The following CNTN6 variants were observed in gnomAD, a reference collection of about 807,000 sequenced individuals.
The protein encoded by CNTN6 is contactin-6.
CNTN6 carries 137 observed loss-of-function variants against 122.8 expected under a neutral mutation model. That is an observed-to-expected ratio of 1.12 (90% CI 0.97 to 1.29). The LOEUF (loss-of-function observed/expected upper bound fraction) is 1.29, where lower values mean the gene tolerates loss of function less well. Ranked by LOEUF, CNTN6 falls within the 50% of genes most tolerant of loss-of-function variation. CNTN6 has a pLI of 0.00. For missense variants in CNTN6, 1,634 were observed against 1,223.4 expected (o/e 1.34, Z -5.01); for synonymous variants, 570 against 426.0 (o/e 1.34, Z -4.16).
chr3:1,268,193 G>T (rs919213219), intron 4 of CNTN6, among the ~76,000 whole-genome samples: 2 of 152,316 alleles, frequency 1.3e-5, no homozygotes, highest in East Asian at 1.9e-4. Flanking sequence ...TCTGGCTATT[G>T]TATGTCCACC....
At chr3:1,226,068 G>A (rs1439196866) in intron 3 of CNTN6, among the ~76,000 whole-genome samples, 7 of 152,158 alleles carry the variant, frequency 4.6e-5, no homozygotes, top group Non-Finnish European at 7.4e-5. Flanking sequence ...TAGTAGAGGC[G>A]GGGTTTTGCC....
chr3:1,387,346 C>CTGTT (rs147022313), intron 20 of CNTN6, among the ~76,000 whole-genome samples: 8,662 of 152,196 alleles, frequency 0.057, 286 homozygotes, highest in African/African-American at 0.093. Context: ...ATTCCTTTTC[C>CTGTT]TGTTTTACTC....
chr3:1,326,030 GA>G, intron 9 of CNTN6, 79 bp downstream of exon 9: 1 of 1,243,922 alleles, frequency 8.0e-7, no homozygotes, highest in East Asian at 2.4e-5. Flanking sequence ...GTAACTAACA[GA>G]AACAGCTAAT....
chr3:1,317,445 A>G (rs765086665), intron 7 of CNTN6, among the ~76,000 whole-genome samples: 1 of 151,796 alleles, frequency 6.6e-6, no homozygotes, highest in Non-Finnish European at 1.5e-5. Flanking sequence ...AAAATAATAT[A>G]TTGGCTAACT....
intron 1 of CNTN6, among the ~76,000 whole-genome samples, chr3:1,099,368 G>T (rs772670685): frequency 5.9e-5 from 9 of 151,834 alleles, no homozygotes; most frequent in African/African-American, 2.2e-4. Context: ...GGAGAATGGC[G>T]GGAACCCGGG....
intron 1 of CNTN6, among the ~76,000 whole-genome samples, chr3:1,128,847 T>C (rs2092254426): frequency 6.6e-6 from 1 of 152,048 alleles, no homozygotes; most frequent in South Asian, 2.1e-4. Flanking sequence ...TAAATTGAAA[T>C]ATATTGCACT....
At chr3:1,220,228 T>C (rs936114861) in intron 2 of CNTN6, among the ~76,000 whole-genome samples, 1 of 151,460 alleles carries the variant, frequency 6.6e-6, no homozygotes, top group African/African-American at 2.4e-5. Flanking sequence ...TCTAACTACT[T>C]GGGAGGCTGA....
chr3:1,105,510 G>C (rs2091176050), intron 1 of CNTN6, among the ~76,000 whole-genome samples: 1 of 152,012 alleles, frequency 6.6e-6, no homozygotes, highest in Non-Finnish European at 1.5e-5. Context: ...TAAATTATTT[G>C]AACCTCAGTT....
At chr3:1,356,335 C>T (rs1706554283) in intron 12 of CNTN6, among the ~76,000 whole-genome samples, 1 of 151,724 alleles carries the variant, frequency 6.6e-6, no homozygotes, top group Non-Finnish European at 1.5e-5. Context: ...AATGTCGGAA[C>T]TTGGAAAAGC....
chr3:1,333,258 C>A (rs1481711699), intron 11 of CNTN6, among the ~76,000 whole-genome samples: 1 of 151,984 alleles, frequency 6.6e-6, no homozygotes, highest in Non-Finnish European at 1.5e-5. Flanking sequence ...TGTACATACA[C>A]TGTTCAATGC....
At chr3:1,251,885 C>T (rs539972689) in intron 4 of CNTN6, among the ~76,000 whole-genome samples, 1 of 152,244 alleles carries the variant, frequency 6.6e-6, no homozygotes, top group East Asian at 1.9e-4. Context: ...TGATTCAGGT[C>T]TGACTCATTG....
At chr3:1,161,161 T>C (rs2093123529) in intron 2 of CNTN6, among the ~76,000 whole-genome samples, 2 of 151,672 alleles carry the variant, frequency 1.3e-5, no homozygotes, top group Admixed American at 6.6e-5. Context: ...TCACTTAGTG[T>C]TGATGCTGAA....
intron 5 of CNTN6, among the ~76,000 whole-genome samples, chr3:1,285,144 C>G (rs1694118673): frequency 1.3e-5 from 2 of 152,062 alleles, no homozygotes; most frequent in South Asian, 4.1e-4. Context: ...GTGACTTGGA[C>G]CAGGTGGATT....
chr3:1,297,844 C>A (rs367619690), intron 6 of CNTN6, 45 bp from the exon 7 acceptor site: 24 of 1,474,500 alleles, frequency 1.6e-5, no homozygotes, highest in Non-Finnish European at 2.3e-5. Flanking sequence ...TCATAGAAAA[C>A]TTCTATTCTC....
intron 11 of CNTN6, among the ~76,000 whole-genome samples, chr3:1,347,230 C>T (rs1438890465): frequency 1.3e-5 from 2 of 152,088 alleles, no homozygotes; most frequent in Non-Finnish European, 2.9e-5. Context: ...GTTGAATAGT[C>T]ATACTATATC....
chr3:1,321,854 AAT>A lies in CNTN6; in HGVS notation c.946+28_946+29del. 6.4e-7 allele frequency: 1 copy of A among 1,571,192 alleles called. No individual in the cohort carries two copies. Among genetic ancestry groups the A allele is most frequent in the Non-Finnish European group, 8.6e-7 (1 of 1,157,042 alleles). On this transcript the variant is annotated intron_variant, in intron 8 of 22. Coordinates refer to ENST00000446702, the MANE Select transcript of CNTN6 (RefSeq NM_001289080.2). ...TTTATGGTGAGCTAATTGGATTTCAAATATATATAAAATATTTGGTAATGCCC... is the reference window on the plus strand; with the variant it reads ...TTTATGGTGAGCTAATTGGATTTCAAATATATAAAATATTTGGTAATGCCC...
At chr3:1,160,912 ATAAT>A (rs2093119038) in intron 2 of CNTN6, among the ~76,000 whole-genome samples, 1 of 152,096 alleles carries the variant, frequency 6.6e-6, no homozygotes, top group African/African-American at 2.4e-5. Context: ...TCCAATTAAA[ATAAT>A]TATATTCAAA....
chr3:1,336,365 A>C (rs1703068370), intron 11 of CNTN6, among the ~76,000 whole-genome samples: 1 of 152,076 alleles, frequency 6.6e-6, no homozygotes, highest in African/African-American at 2.4e-5. Flanking sequence ...TATATGATTA[A>C]ATTTGTATCA....
At chr3:1,218,357 G>A (rs553574871) in intron 2 of CNTN6, among the ~76,000 whole-genome samples, 1 of 152,236 alleles carries the variant, frequency 6.6e-6, no homozygotes, top group African/African-American at 2.4e-5. Flanking sequence ...GTGAGAAAGC[G>A]AGAAAGCTAT....
Sources: allele counts gnomAD v4.1 joint callset (sites outside exome capture counted in the v4.1 genomes callset), GRCh38; gene constraint gnomAD v4.1.1; transcripts MANE v1.5; gene names NCBI Gene and HGNC (gene_info 2026-07-23, HGNC 2026-07-21).